Variants in CTNNBL1 observed in about 807,000 individuals in gnomAD.
CTNNBL1 encodes the protein beta-catenin-like protein 1.
Under a neutral mutation model 72.7 loss-of-function variants are expected in CTNNBL1, and 31 were observed. That is an observed-to-expected ratio of 0.43 (90% confidence interval 0.32 to 0.58). The LOEUF (loss-of-function observed/expected upper bound fraction) is 0.58. Ranked by LOEUF, CTNNBL1 falls within the 20% of genes least tolerant of loss-of-function variation. The probability of loss-of-function intolerance (pLI) is 0.08; values close to 1 mark genes in which losing one functional copy is unlikely to be tolerated. For synonymous variants in CTNNBL1, 240 were observed against 267.3 expected, an observed-to-expected ratio of 0.90 and a Z score of 1.00; for missense variants, 534 against 725.1, an observed-to-expected ratio of 0.74 and a Z score of 3.03.
intron 11 of CTNNBL1, among the ~76,000 whole-genome samples, chr20:37,818,882 G>A (rs950330387): frequency 2.0e-5 from 3 of 152,164 alleles, no homozygotes; most frequent in Non-Finnish European, 4.4e-5. Flanking sequence ...GACTAGCTTT[G>A]TGTAACTGCC....
chr20:37,747,846 T>C (rs762477771), intron 4 of CTNNBL1, among the ~76,000 whole-genome samples: 13 of 152,174 alleles, frequency 8.5e-5, no homozygotes, highest in Non-Finnish European at 1.9e-4. Flanking sequence ...GGAGTAGCTT[T>C]CCATGTTACT....
At chr20:37,746,361 G>A (rs1051459711) in intron 3 of CTNNBL1, 107 bp from the exon 4 acceptor site, 6 of 1,245,700 alleles carry the variant, frequency 4.8e-6, no homozygotes, top group Non-Finnish European at 6.9e-6. Context: ...TGGTTGGTCT[G>A]TTGTAGACAC....
chr20:37,734,172 G>A (rs1159409976), intron 2 of CTNNBL1, among the ~76,000 whole-genome samples: 2 of 152,144 alleles, frequency 1.3e-5, no homozygotes, highest in African/African-American at 4.8e-5. Context: ...AATCTGAGAA[G>A]AAGAAAAAAT....
intron 4 of CTNNBL1, among the ~76,000 whole-genome samples, 193 bp from the exon 5 acceptor site, chr20:37,757,366 A>G (rs754709099): frequency 6.6e-6 from 1 of 152,242 alleles, no homozygotes; most frequent in African/African-American, 2.4e-5. Flanking sequence ...AAGGCAAGAG[A>G]CTGAGTGAGT....
chr20:37,820,296 A>G (rs2072094711), intron 11 of CTNNBL1, among the ~76,000 whole-genome samples: 2 of 152,178 alleles, frequency 1.3e-5, no homozygotes, highest in Admixed American at 6.5e-5. Flanking sequence ...ATAACATAAT[A>G]ACATAAGTAA....
intron 1 of CTNNBL1, among the ~76,000 whole-genome samples, chr20:37,720,194 A>T (rs1325251183): frequency 6.6e-6 from 1 of 151,796 alleles, no homozygotes; most frequent in Non-Finnish European, 1.5e-5. Flanking sequence ...TGCCCGGCTA[A>T]TTTTTTTGTA....
In CTNNBL1 at chr20:37,778,747, G is replaced by C. The variant is rs192734831; in HGVS notation, c.883-440G>C. ...TTAGAAGGGAAAGAAATGAGATATG[G>C]TTGGGTTGGGCAAGTGGAGGGCTTT... On this transcript the variant is annotated intron_variant, in intron 9 of 15. Transcript: ENST00000361383. Among the ~76,000 whole-genome samples, 5 of 152,278 alleles carry C rather than the reference G, an allele frequency of 3.3e-5. No homozygotes were observed. In the East Asian group the frequency reaches 9.6e-4, roughly 29 times the overall value.
At chr20:37,748,141 G>C (rs2073284425) in intron 4 of CTNNBL1, among the ~76,000 whole-genome samples, 1 of 152,196 alleles carries the variant, frequency 6.6e-6, no homozygotes, top group African/African-American at 2.4e-5. Context: ...GATATTCACA[G>C]GGAATCTGCT....
At chr20:37,750,334 C>T (rs1480443629) in intron 4 of CTNNBL1, 1 of 152,110 alleles carries the variant, frequency 6.6e-6, no homozygotes, top group Non-Finnish European at 1.5e-5. Context: ...GGAGCACACA[C>T]CTCACATGGT....
At chr20:37,744,046 A>AT (rs1016966859) in intron 3 of CTNNBL1, among the ~76,000 whole-genome samples, 5 of 151,808 alleles carry the variant, frequency 3.3e-5, no homozygotes, top group African/African-American at 1.2e-4. Flanking sequence ...TTCTCTGATT[A>AT]TTTTTTTTGC....
intron 15 of CTNNBL1, among the ~76,000 whole-genome samples, chr20:37,861,202 C>T (rs1332504731): frequency 6.6e-6 from 1 of 152,232 alleles, no homozygotes; most frequent in South Asian, 2.1e-4. Context: ...TGGCACACAG[C>T]GGGTGCTCAG....
chr20:37,814,159 CA>C (rs1178733986), intron 11 of CTNNBL1, among the ~76,000 whole-genome samples: 1 of 152,122 alleles, frequency 6.6e-6, no homozygotes. Context: ...CTGCAGCTTC[CA>C]AAAACTGAAT....
chr20:37,726,509 A>G (rs1341181933), intron 1 of CTNNBL1, among the ~76,000 whole-genome samples: 1 of 151,984 alleles, frequency 6.6e-6, no homozygotes, highest in African/African-American at 2.4e-5. Flanking sequence ...TTCTATTAAT[A>G]TAAAGAGAGA....
At chr20:37,823,051 G>A (rs2072123746) in intron 11 of CTNNBL1, among the ~76,000 whole-genome samples, 1 of 152,196 alleles carries the variant, frequency 6.6e-6, no homozygotes, top group African/African-American at 2.4e-5. Context: ...ATTGTTGATT[G>A]TACCCGGTTA....
chr20:37,773,150 T>C (rs1332662613), intron 7 of CTNNBL1, among the ~76,000 whole-genome samples: 1 of 152,250 alleles, frequency 6.6e-6, no homozygotes, highest in African/African-American at 2.4e-5. Flanking sequence ...AGCGTTCAGT[T>C]AAGTTATATT....
rs139855247 is a variant in CTNNBL1 at position 37,791,060 on chromosome 20, T to A, written c.1031+11725T>A. Among the ~76,000 whole-genome samples, 909 of 152,360 alleles carry A rather than the reference T, an allele frequency of 6.0e-3. 9 individuals carry two copies. Among genetic ancestry groups the A allele is most frequent in the African/African-American group, 0.021 (862 of 41,576 alleles). ...CCTATTTCACTCACTGTAATTATTT[T>A]GAGATTCGTCCATGTTGTGTATCAA... On this transcript the variant is annotated intron_variant, in intron 10 of 15. Transcript: ENST00000361383.
Position 37,712,257 on chromosome 20 carries a change from C to T in CTNNBL1, c.30+18105C>T, listed in dbSNP as rs181882119. Among the ~76,000 whole-genome samples the T allele has an allele frequency of 9.8e-5, 15 of 152,300 alleles. No individual in the cohort carries two copies. In the East Asian group the frequency reaches 2.3e-3, roughly 23 times the overall value. ...TGTGGGCATCGTGCCTTTTGTTGAG[C>T]GCCCTGGCCTGGAGAGAATGAAGAA... On this transcript the variant is annotated intron_variant, in intron 1 of 15. Coordinates refer to ENST00000361383, the MANE Select transcript of CTNNBL1 (RefSeq NM_030877.5).
intron 3 of CTNNBL1, among the ~76,000 whole-genome samples, chr20:37,740,688 AAGAAT>A (rs1264095167): frequency 6.6e-6 from 1 of 152,226 alleles, no homozygotes; most frequent in African/African-American, 2.4e-5. Flanking sequence ...TGGCAAATAC[AAGAAT>A]AGACAAGCAC....
At chr20:37,749,327 G>T (rs959468272) in intron 4 of CTNNBL1, among the ~76,000 whole-genome samples, 1 of 152,098 alleles carries the variant, frequency 6.6e-6, no homozygotes, top group Non-Finnish European at 1.5e-5. Context: ...GCTGCTTTTG[G>T]AAGATACTGA....
Sources: allele counts gnomAD v4.1 joint callset (sites outside exome capture counted in the v4.1 genomes callset), GRCh38; gene constraint gnomAD v4.1.1; transcripts MANE v1.5; gene names NCBI Gene and HGNC (gene_info 2026-07-23, HGNC 2026-07-21).